SYTL2: variants seen among roughly 807,000 people sequenced by gnomAD.
The protein encoded by SYTL2 is synaptotagmin like 2, also known as synaptotagmin-like protein 2.
In SYTL2, 165 loss-of-function variants were observed where a neutral mutation model predicts 198.7. The ratio of observed to expected loss-of-function variants is 0.83; its 90% confidence interval spans 0.73 to 0.94. The LOEUF (loss-of-function observed/expected upper bound fraction) is 0.94. SYTL2 is among the 40% of genes least tolerant of loss of function. SYTL2 has a pLI of 0.00. For missense variants in SYTL2, 2,835 were observed against 2,582.8 expected, an observed-to-expected ratio of 1.10 and a Z score of -2.12; for synonymous variants, 966 against 917.7, an observed-to-expected ratio of 1.05 and a Z score of -0.95.
At position 85,725,258 on chromosome 11, in the gene SYTL2, A is replaced by G. The variant is rs755017424; in HGVS notation, c.4100T>C (p.Leu1367Ser). Residue 1367 changes from leucine to serine, a missense_variant, in exon 8 of 20, where the codon TTG (leucine) becomes TCG (serine). By Grantham distance (145) the Leu-to-Ser change is moderately radical. Around this residue, in one of 3 missense-constraint regions of SYTL2, gnomAD observed 2,645 missense variants for 2,381.7 expected, o/e 1.11. Transcript: ENST00000359152. Reference protein sequence around the residue: ...EKVILPPRPVLNDVSAALQKL... With the variant: ...EKVILPPRPVSNDVSAALQKL... The stretch of plus-strand genomic sequence containing the variant: ...CTGTAATGCAGCACTTACATCATTC[A>G]ATACAGGTCTGGGTGGAAGAATGAC... 3 of 1,614,128 alleles carry G rather than the reference A, an allele frequency of 1.9e-6. No individual in the cohort carries two copies. Among genetic ancestry groups the G allele is most frequent in the East Asian group, 4.5e-5 (2 of 44,872 alleles).
intron 2 of SYTL2, among the ~76,000 whole-genome samples, chr11:85,755,495 G>A (rs1336914005): frequency 6.6e-6 from 1 of 152,130 alleles, no homozygotes; most frequent in Non-Finnish European, 1.5e-5. Flanking sequence ...AGCTGCTGGG[G>A]CACCTTCAGA....
intron 1 of SYTL2, among the ~76,000 whole-genome samples, chr11:85,775,478 C>T (rs1194726835): frequency 6.6e-6 from 1 of 151,904 alleles, no homozygotes; most frequent in African/African-American, 2.4e-5. Flanking sequence ...TCATAATCCC[C>T]CATTTATTTA....
At chr11:85,848,474 T>C in the SYTL2 span, among the ~76,000 whole-genome samples, 1 of 152,098 alleles carries the variant, frequency 6.6e-6, no homozygotes, top group Non-Finnish European at 1.5e-5. Context: ...TTTTGTATGG[T>C]TTTTGGTCTG....
At chr11:85,793,299 T>C (rs2092758204) in intron 1 of SYTL2, among the ~76,000 whole-genome samples, 1 of 152,168 alleles carries the variant, frequency 6.6e-6, no homozygotes, top group Non-Finnish European at 1.5e-5. Flanking sequence ...TGTTGTTTCC[T>C]GACTTTTTAA....
chr11:85,837,576 C>A, the SYTL2 span, among the ~76,000 whole-genome samples: 1 of 152,114 alleles, frequency 6.6e-6, no homozygotes, highest in Admixed American at 6.5e-5. Flanking sequence ...CTTTTTAAGT[C>A]AAAATGATGA....
At chr11:85,702,563 G>A (rs931732034) in intron 16 of SYTL2, among the ~76,000 whole-genome samples, 4 of 152,182 alleles carry the variant, frequency 2.6e-5, no homozygotes, top group African/African-American at 9.7e-5. Context: ...ATGGCTTTCA[G>A]TTGGAACCTC....
chr11:85,723,820 G>T lies in SYTL2; in HGVS notation c.5326+212C>A, dbSNP rs574245550. On this transcript the variant is annotated intron_variant, in intron 8 of 19. Transcript: ENST00000359152. Reference sequence around the variant, plus strand: ...CTCAGGAACACAGAAGTGGTAAGAAGAATTTAACATCATTTAAGAATTATG... The same window carrying T: ...CTCAGGAACACAGAAGTGGTAAGAATAATTTAACATCATTTAAGAATTATG... Among the ~76,000 whole-genome samples, 65 of 148,808 alleles carry T rather than the reference G, an allele frequency of 4.4e-4. 1 individual carries two copies. Among genetic ancestry groups the T allele is most frequent in the South Asian group, 1.7e-3 (8 of 4,694 alleles).
chr11:85,716,228 T>A (rs1416854252), intron 11 of SYTL2: 3 of 152,310 alleles, frequency 2.0e-5, no homozygotes, highest in Non-Finnish European at 4.4e-5. Context: ...TATTATAAGA[T>A]GCTCAAAATT....
chr11:85,844,003 G>C, the SYTL2 span, among the ~76,000 whole-genome samples: 1 of 152,134 alleles, frequency 6.6e-6, no homozygotes, highest in Non-Finnish European at 1.5e-5. Flanking sequence ...TGCCTCAGTG[G>C]GTAGTTCCCA....
rs1385200508 is a variant in SYTL2, at chr11:85,734,367, T to C, written c.962A>G (p.Asn321Ser). ...TGGCTCCAGGGAGTTTGGGGAAGAGTTGTCTTCTAAAGAATGCTCCTTCTC... is the reference window on the plus strand; with the variant it reads ...TGGCTCCAGGGAGTTTGGGGAAGAGCTGTCTTCTAAAGAATGCTCCTTCTC... ...ISEKEHSLED[N>S]SSPNSLEPLK... The change falls in exon 7 of 20, where the codon AAC (asparagine) becomes AGC (serine). Residue 321 changes from asparagine to serine, a missense_variant. Asn to Ser is a conservative substitution (Grantham distance 46). Around this residue, in one of 3 missense-constraint regions of SYTL2, gnomAD observed 2,645 missense variants for 2,381.7 expected, o/e 1.11. Transcript: ENST00000359152. 1.4e-5 allele frequency: 23 copies of C among 1,613,986 alleles called. No homozygotes were observed. Among genetic ancestry groups the C allele is most frequent in the Non-Finnish European group, 1.9e-5 (22 of 1,180,010 alleles).
Position 85,724,505 on chromosome 11 carries a change from G to T in SYTL2, c.4853C>A (p.Thr1618Asn), listed in dbSNP as rs776939238. Residue 1618 changes from threonine to asparagine, a missense_variant, in exon 8 of 20, where the codon ACC becomes AAC. Coordinates refer to ENST00000359152, the MANE Select transcript of SYTL2 (RefSeq NM_206927.4). ...VPHFYRAASQ[T>N]SEMKDKSNGL... ...ATTACTTTTATCCTTCATTTCAGAG[G>T]TCTGTGAGGCTGCCCTGTAAAAATG... 6.2e-7 allele frequency: 1 copy of T among 1,613,838 alleles called. No individual in the cohort carries two copies. Among genetic ancestry groups the T allele is most frequent in the South Asian group, 1.1e-5 (1 of 91,078 alleles).
chr11:85,768,303 TAGA>T (rs1372977450), intron 1 of SYTL2, among the ~76,000 whole-genome samples: 2 of 152,208 alleles, frequency 1.3e-5, no homozygotes, highest in African/African-American at 2.4e-5. Flanking sequence ...ATACCCCCAA[TAGA>T]AGAAGTGTTG....
chr11:85,756,336 C>T (rs145057328), intron 2 of SYTL2, among the ~76,000 whole-genome samples: 1 of 152,340 alleles, frequency 6.6e-6, no homozygotes, highest in African/African-American at 2.4e-5. Flanking sequence ...ATCCCCACTA[C>T]CTACAGCCAC....
chr11:85,709,499 A>C lies in SYTL2; in HGVS notation c.5747T>G (p.Val1916Gly), dbSNP rs112335460. ...ATAAACACTCATCACACTGCCACTC[A>C]CCTGAAAGCATCAGAAATACATAGT... ...SSSGMTSLSS[V>G]SGSVMSVYSG... The change falls in exon 14 of 20, where the codon GTG becomes GGG. Residue 1916 changes from valine to glycine, a missense_variant and splice_region_variant. Val to Gly is a moderately radical substitution (Grantham distance 109). Transcript: ENST00000359152. 1,970 of 1,613,398 alleles carry C rather than the reference A, an allele frequency of 1.2e-3. 20 individuals are homozygous for C. In the African/African-American group the frequency reaches 0.023, roughly 19 times the overall value.
chr11:85,696,215 A>C lies in SYTL2; in HGVS notation c.6542T>G (p.Phe2181Cys), dbSNP rs1353912473. Residue 2181 changes from phenylalanine to cysteine, a missense_variant, in exon 19 of 20, where the codon TTT (phenylalanine) becomes TGT (cysteine). Physicochemically the swap from Phe to Cys is radical, Grantham distance 205. Coordinates refer to ENST00000359152, the MANE Select transcript of SYTL2 (RefSeq NM_206927.4). ...VWDHYKLTNQ[F>C]LGGLRIGFGT... ...AAAGCCAATACGAAGACCTCCCAAAAATTGGTTGGTTAATTTGTAATGGTC... is the reference window on the plus strand; with the variant it reads ...AAAGCCAATACGAAGACCTCCCAAACATTGGTTGGTTAATTTGTAATGGTC... The C allele has an allele frequency of 6.2e-7, 1 of 1,614,084 alleles. No individual in the cohort carries two copies. Among genetic ancestry groups the C allele is most frequent in the Non-Finnish European group, 8.5e-7 (1 of 1,180,000 alleles).
At chr11:85,790,521 G>A (rs1477594349) in intron 1 of SYTL2, among the ~76,000 whole-genome samples, 2 of 152,120 alleles carry the variant, frequency 1.3e-5, no homozygotes, top group Non-Finnish European at 2.9e-5. Context: ...AAGAGGTGAG[G>A]AGAAGTATAA....
chr11:85,796,118 G>C (rs528770580), intron 1 of SYTL2, among the ~76,000 whole-genome samples: 7 of 152,260 alleles, frequency 4.6e-5, no homozygotes, highest in African/African-American at 1.4e-4. Flanking sequence ...GGCAGCACAG[G>C]GAAGAAAAAG....
chr11:85,784,587 C>A (rs1566021143), intron 1 of SYTL2, among the ~76,000 whole-genome samples: 2 of 152,108 alleles, frequency 1.3e-5, no homozygotes. Flanking sequence ...TGCTTTACTT[C>A]AAATTCAGGG....
At chr11:85,718,757 AAGAC>A (rs756715456) in intron 10 of SYTL2, 29 bp downstream of exon 10, 6 of 1,606,252 alleles carry the variant, frequency 3.7e-6, no homozygotes, top group Non-Finnish European at 4.3e-6. Flanking sequence ...AGTTAATACA[AAGAC>A]AGACACGCAA....
Sources: gnomAD v4.1 joint callset for allele counts (sites outside exome capture counted in the v4.1 genomes callset) on GRCh38, gnomAD v4.1.1 for gene constraint, gnomAD v4.1.1 regional missense constraint, MANE v1.5 for transcripts, NCBI Gene and HGNC (gene_info 2026-07-23, HGNC 2026-07-21) for gene names.